Variants in GPX3 observed in about 807,000 individuals in gnomAD.
GPX3 encodes the protein GPx-3.
A neutral mutation model predicts 25.1 loss-of-function variants in GPX3; 22 were observed. That is an observed-to-expected ratio of 0.88 (90% CI 0.63 to 1.25). GPX3 has a LOEUF of 1.25. GPX3 is among the 50% of genes most tolerant of loss of function. The probability of loss-of-function intolerance (pLI) is 0.00; values close to 1 mark genes in which losing one functional copy is unlikely to be tolerated. For synonymous variants in GPX3, 110 were observed against 114.5 expected (o/e 0.96, Z 0.25); for missense variants, 278 against 286.6 (o/e 0.97, Z 0.22).
intron 4 of GPX3, 89 bp from the exon 5 acceptor site, chr5:151,027,820 A>G (rs757028297): frequency 9.0e-7 from 1 of 1,114,712 alleles, no homozygotes; most frequent in Non-Finnish European, 1.4e-6. Flanking sequence ...CTCTTTTCTC[A>G]GGGCCAGGCT....
intron 1 of GPX3, among the ~76,000 whole-genome samples, chr5:151,024,286 A>G (rs1756516040): frequency 6.6e-6 from 1 of 152,192 alleles, no homozygotes; most frequent in South Asian, 2.1e-4. Context: ...TGATGCAATG[A>G]CATCCTTTCA....
Position 151,028,913 on chromosome 5 carries a change from G to A in GPX3, c.*783G>A. 1 of 153,086 alleles carries A rather than the reference G, an allele frequency of 6.5e-6. No individual in the cohort carries two copies. Among genetic ancestry groups the A allele is most frequent in the Non-Finnish European group, 1.5e-5 (1 of 68,204 alleles). 9.5% of individuals were successfully genotyped at this position (153,086 alleles called of 1,614,324 possible). ...GGGATGCCACCCCTGCTCCTTCGGA[G>A]GACGTGCCCTCACCCCTCACTGGTC... On this transcript the variant is annotated 3_prime_UTR_variant, in exon 5 of 5. Transcript: ENST00000388825.
chr5:151,027,869 G>T, intron 4 of GPX3, 40 bp from the exon 5 acceptor site: 1 of 1,519,350 alleles, frequency 6.6e-7, no homozygotes. Context: ...GGGTCAGGGG[G>T]CCTCAAGCAA....
chr5:151,023,058 AGAGTCCTGG>A (rs8177424), intron 1 of GPX3, among the ~76,000 whole-genome samples: 1,649 of 152,266 alleles, frequency 0.011, 32 homozygotes, highest in South Asian at 0.094. Context: ...CCAGCCAGCC[AGAGTCCTGG>A]CTGAGTCCCA....
At chr5:151,025,230 A>T in intron 1 of GPX3, 110 bp from the exon 2 acceptor site, 1 of 850,428 alleles carries the variant, frequency 1.2e-6, no homozygotes, top group Non-Finnish European at 1.7e-6. Flanking sequence ...ATTCTCGGTG[A>T]TTACTTTGAG....
intron 1 of GPX3, among the ~76,000 whole-genome samples, chr5:151,024,070 G>A (rs1033976609): frequency 6.6e-6 from 1 of 152,220 alleles, no homozygotes; most frequent in African/African-American, 2.4e-5. Context: ...GAGGGGAAGA[G>A]AGGGAGTGAA....
chr5:151,020,906 C>T lies in GPX3; in HGVS notation c.87+165C>T, dbSNP rs560591227. 9.9e-6 allele frequency: 7 copies of T among 704,572 alleles called. No individual in the cohort carries two copies. The East Asian group carries it at 1.6e-4, about 17-fold the overall frequency. 43.6% of individuals were successfully genotyped at this position (704,572 alleles called of 1,614,324 possible). On this transcript the variant is annotated intron_variant, in intron 1 of 4. Transcript: ENST00000388825. ...TGCCGCCCCCTCCGCCGCCGGGACCCCGCCCCCGACCGTCGTCGTCTCGTA... is the reference window on the plus strand; with the variant it reads ...TGCCGCCCCCTCCGCCGCCGGGACCTCGCCCCCGACCGTCGTCGTCTCGTA...
In GPX3 at chr5:151,025,365, G is replaced by A; in HGVS notation, c.113G>A (p.Gly38Asp). The change falls in exon 2 of 5, where the codon GGC (glycine) becomes GAC (aspartate). Residue 38 changes from glycine to aspartate, a missense_variant. Transcript: ENST00000388825. ...ATGGACTGCCATGGTGGCATAAGTG[G>A]CACCATTTACGAGTACGGAGCCCTC... ...SKMDCHGGIS[G>D]TIYEYGALTI... is the part of the protein sequence containing the mutation. The A allele has an allele frequency of 6.3e-7, 1 of 1,599,220 alleles. No individual in the cohort carries two copies. The highest frequency in any genetic ancestry group is 8.5e-7 in the Non-Finnish European group (1 of 1,171,866).
chr5:151,021,368 CT>C (rs1561786997), intron 1 of GPX3: 2 of 152,654 alleles, frequency 1.3e-5, no homozygotes, highest in East Asian at 1.9e-4. Flanking sequence ...TCCTTACCTG[CT>C]CCTGGACCCC....
In GPX3 at chr5:151,023,330, T is replaced by C. The variant is rs1410068908; in HGVS notation, c.88-2010T>C. The stretch of plus-strand genomic sequence containing the variant: ...ACTATCCCTTGACATGAGATTTCGT[T>C]CCAAGAGACTCCAGGCCTGTTTTGC... On this transcript the variant is annotated intron_variant, in intron 1 of 4. Coordinates refer to ENST00000388825, the MANE Select transcript of GPX3 (RefSeq NM_002084.5). Among the ~76,000 whole-genome samples, 5 of 152,100 alleles carry C rather than the reference T, an allele frequency of 3.3e-5. No homozygotes were observed. In the East Asian group the frequency reaches 9.6e-4, roughly 29 times the overall value.
rs371856135 is a variant in GPX3, at chr5:151,025,479, C to A, written c.227C>A (p.Thr76Lys). 6 of 1,608,800 alleles carry A rather than the reference C, an allele frequency of 3.7e-6. No individual in the cohort carries two copies. The highest frequency in any genetic ancestry group is 1.7e-5 in the Admixed American group (1 of 59,484). Residue 76 changes from threonine to lysine, a missense_variant, in exon 2 of 5, where the codon ACG (threonine) becomes AAG (lysine). Physicochemically the swap from Thr to Lys is moderately conservative, Grantham distance 78. Transcript: ENST00000388825. The part of the protein sequence containing the change: ...FVNVASYUGL[T>K]GQYIELNALQ... ...AACGTGGCCAGCTACTGAGGCCTGA[C>A]GGGCCAGTACATTGGTAAGAGCCCA... is the stretch of plus-strand genomic sequence containing the variant.
At chr5:151,021,079 T>G (rs978761314) in intron 1 of GPX3, 1 of 335,382 alleles carries the variant, frequency 3.0e-6, no homozygotes, top group African/African-American at 2.2e-5. Context: ...GTGCCTGAGC[T>G]GCTCCCCTTC....
Position 151,028,080 on chromosome 5 carries a change from A to T in GPX3, c.631A>T (p.Ile211Phe). 3.1e-6 allele frequency: 5 copies of T among 1,609,272 alleles called. No homozygotes were observed. The highest frequency in any genetic ancestry group is 4.2e-6 in the Non-Finnish European group (5 of 1,177,640). ...CACGGTCAGCAACGTCAAGATGGAC[A>T]TCCTGTCCTACATGAGGCGGCAGGC... The part of the protein sequence containing the change: ...RTTVSNVKMD[I>F]LSYMRRQAAL... Residue 211 changes from isoleucine to phenylalanine, a missense_variant, in exon 5 of 5, where the codon ATC (isoleucine) becomes TTC (phenylalanine). By Grantham distance (21) the Ile-to-Phe change is conservative. Coordinates refer to ENST00000388825, the MANE Select transcript of GPX3 (RefSeq NM_002084.5).
chr5:151,022,864 A>T (rs200877325), intron 1 of GPX3, among the ~76,000 whole-genome samples: 22 of 152,248 alleles, frequency 1.4e-4, no homozygotes, highest in East Asian at 1.2e-3. Context: ...GGCCCTTAAG[A>T]CAGCCCTGAA....
rs532844935 is a variant in GPX3 at position 151,023,197 on chromosome 5, G to A, written c.88-2143G>A. On this transcript the variant is annotated intron_variant, in intron 1 of 4. Coordinates refer to ENST00000388825, the MANE Select transcript of GPX3 (RefSeq NM_002084.5). ...CACTGTTTCAGATGCGGTGCTCTGG[G>A]ATTCCACGTGCCCAGAGAAGGGAAG... Among the ~76,000 whole-genome samples, 14 of 152,242 alleles carry A rather than the reference G, an allele frequency of 9.2e-5. No homozygotes were observed. In the South Asian group the frequency reaches 2.7e-3, roughly 29 times the overall value.
Position 151,028,350 on chromosome 5 carries a change from T to A in GPX3, c.*220T>A. The stretch of plus-strand genomic sequence containing the variant: ...ACACATGCCTACAGGTATGCGTGAT[T>A]GTGTGTGTGTGCATGGGTGTACAGC... On this transcript the variant is annotated 3_prime_UTR_variant, in exon 5 of 5. Transcript: ENST00000388825. The A allele has an allele frequency of 3.7e-6, 2 of 547,794 alleles. No homozygotes were observed. Among genetic ancestry groups the A allele is most frequent in the Non-Finnish European group, 6.6e-6 (2 of 301,616 alleles). The allele number at this position is 547,794 out of a possible 1,614,324, so 33.9% of individuals were successfully genotyped here.
At chr5:151,024,351 C>T (rs1756516855) in intron 1 of GPX3, among the ~76,000 whole-genome samples, 1 of 152,186 alleles carries the variant, frequency 6.6e-6, no homozygotes, top group Non-Finnish European at 1.5e-5. Context: ...GCTCATAGGC[C>T]ACATCCTACT....
At chr5:151,020,940 T>G in intron 1 of GPX3, 199 bp downstream of exon 1, 1 of 676,152 alleles carries the variant, frequency 1.5e-6, no homozygotes, top group East Asian at 2.8e-5. Context: ...TAGTTCCATC[T>G]GTTGGAGAGC....
At chr5:151,027,875 A>G in intron 4 of GPX3, 34 bp from the exon 5 acceptor site, 2 of 1,578,406 alleles carry the variant, frequency 1.3e-6, no homozygotes, top group South Asian at 1.1e-5. Flanking sequence ...GGGGGCCTCA[A>G]GCAAGGTTGA....
Sources: gnomAD v4.1 joint callset for allele counts (sites outside exome capture counted in the v4.1 genomes callset) on GRCh38, gnomAD v4.1.1 for gene constraint, MANE v1.5 for transcripts, NCBI Gene and HGNC (gene_info 2026-07-23, HGNC 2026-07-21) for gene names.